The following PRKCH variants were observed in gnomAD, a reference collection of about 807,000 sequenced individuals.
The protein encoded by PRKCH is protein kinase C eta type.
PRKCH carries 28 observed loss-of-function variants against 82.5 expected under a neutral mutation model. The ratio of observed to expected loss-of-function variants is 0.34; its 90% confidence interval spans 0.25 to 0.47. The LOEUF (loss-of-function observed/expected upper bound fraction) is 0.47, where lower values mean the gene tolerates loss of function less well. Among genes scored for constraint, PRKCH ranks in the 20% least tolerant of loss-of-function variants. The pLI is 1.00. For missense variants in PRKCH, 705 were observed against 881.8 expected, an observed-to-expected ratio of 0.80 and a Z score of 2.54; for synonymous variants, 322 against 327.4, an observed-to-expected ratio of 0.98 and a Z score of 0.18.
At chr14:61,540,841 C>T (rs1045777553) in intron 12 of PRKCH, among the ~76,000 whole-genome samples, 17 of 152,202 alleles carry the variant, frequency 1.1e-4, no homozygotes, top group African/African-American at 4.1e-4. Flanking sequence ...GGATAGAGCA[C>T]CTCTCCTTCT....
chr14:61,381,261 T>A (rs1249935336), intron 1 of PRKCH, among the ~76,000 whole-genome samples: 1 of 152,112 alleles, frequency 6.6e-6, no homozygotes, highest in African/African-American at 2.4e-5. Flanking sequence ...TCACATAGGA[T>A]CCGGATTGAG....
chr14:61,236,710 CAAAAAAA>C (rs35185475), intron 1 of PRKCH, among the ~76,000 whole-genome samples: 27 of 87,672 alleles, frequency 3.1e-4, no homozygotes, highest in Admixed American at 7.6e-4. Context: ...TGTCTCAAAA[CAAAAAAA>C]AAAAAAAAAA....
chr14:61,478,375 C>T (rs76566760), intron 9 of PRKCH, among the ~76,000 whole-genome samples: 3,477 of 152,114 alleles, frequency 0.023, 59 homozygotes, highest in South Asian at 0.041. Context: ...CTTAGTCATA[C>T]CAGGGACTTG....
chr14:61,253,889 C>T (rs886971481), intron 1 of PRKCH, among the ~76,000 whole-genome samples: 5 of 151,898 alleles, frequency 3.3e-5, no homozygotes, highest in Non-Finnish European at 7.4e-5. Flanking sequence ...AGTAAATGTT[C>T]AATGAACACA....
chr14:61,328,515 T>A (rs1345037948), intron 1 of PRKCH, among the ~76,000 whole-genome samples: 1 of 152,130 alleles, frequency 6.6e-6, no homozygotes, highest in African/African-American at 2.4e-5. Flanking sequence ...ATGAGGTTGG[T>A]GGGTGGAACG....
At chr14:61,465,362 A>T (rs943018075) in intron 9 of PRKCH, among the ~76,000 whole-genome samples, 4 of 152,172 alleles carry the variant, frequency 2.6e-5, no homozygotes, top group African/African-American at 9.7e-5. Flanking sequence ...TTTAGGTCTT[A>T]CATTTAAGTC....
intron 1 of PRKCH, among the ~76,000 whole-genome samples, chr14:61,220,131 C>G (rs755897071): frequency 6.6e-6 from 1 of 152,210 alleles, no homozygotes; most frequent in Non-Finnish European, 1.5e-5. Flanking sequence ...TCCCTGCTTT[C>G]TCCCAAACCA....
At chr14:61,303,079 C>G (rs915839832) in intron 1 of PRKCH, 2 of 138,368 alleles carry the variant, frequency 1.4e-5, no homozygotes, top group African/African-American at 5.2e-5. Flanking sequence ...GTGGCATGAT[C>G]TGATCACAGC....
intron 1 of PRKCH, among the ~76,000 whole-genome samples, chr14:61,273,149 T>C (rs1224235734): frequency 6.6e-6 from 1 of 152,230 alleles, no homozygotes; most frequent in Non-Finnish European, 1.5e-5. Context: ...GGCCCTTCTG[T>C]GGCAGATCAG....
chr14:61,254,150 A>G (rs1218366982), intron 1 of PRKCH, among the ~76,000 whole-genome samples: 1 of 152,084 alleles, frequency 6.6e-6, no homozygotes, highest in Middle Eastern at 3.2e-3. Context: ...AGTCTCTCTC[A>G]TGTTTTATCA....
At chr14:61,353,163 A>G (rs2046104539) in intron 1 of PRKCH, among the ~76,000 whole-genome samples, 1 of 152,204 alleles carries the variant, frequency 6.6e-6, no homozygotes, top group Non-Finnish European at 1.5e-5. Flanking sequence ...GTGGACCTGT[A>G]TAGCCAAAGT....
intron 12 of PRKCH, 82 bp downstream of exon 12, chr14:61,530,677 C>T (rs962522619): frequency 2.3e-6 from 3 of 1,279,632 alleles, no homozygotes; most frequent in African/African-American, 1.5e-5. Flanking sequence ...TTCAGTACTT[C>T]CCACCAGTAA....
At chr14:61,240,664 T>C (rs544576567) in intron 1 of PRKCH, among the ~76,000 whole-genome samples, 1 of 152,162 alleles carries the variant, frequency 6.6e-6, no homozygotes, top group African/African-American at 2.4e-5. Flanking sequence ...CTTCACCCTT[T>C]CCAGCTGCCT....
At chr14:61,430,662 A>C (rs950083005) in intron 2 of PRKCH, among the ~76,000 whole-genome samples, 1 of 152,156 alleles carries the variant, frequency 6.6e-6, no homozygotes, top group Non-Finnish European at 1.5e-5. Flanking sequence ...GTGGTTGTTA[A>C]ACTGTCTCAC....
In PRKCH at chr14:61,411,504, TAAATG is replaced by T. The variant is rs775268607; in HGVS notation, c.427+20220_427+20224del. On this transcript the variant is annotated intron_variant, in intron 2 of 13. Transcript: ENST00000332981. ...TGTGAAAAACAAAATATGGACAAAA[TAAATG>T]AAACAATGATTTGTAAGACACTGGA... 1.9e-4 allele frequency among the ~76,000 whole-genome samples: 29 copies of T among 152,212 alleles called. 1 individual carries two copies. Among genetic ancestry groups the T allele is most frequent in the Admixed American group, 9.8e-4 (15 of 15,294 alleles).
Position 61,428,445 on chromosome 14 carries a change from G to T in PRKCH, c.428-14666G>T, listed in dbSNP as rs570954167. ...CATGGCTTTCACTAGTTTTTCAGGG[G>T]TTTTTTTTAATCCCCTTGGTTGAGA... On this transcript the variant is annotated intron_variant, in intron 2 of 13. Coordinates refer to ENST00000332981, the MANE Select transcript of PRKCH (RefSeq NM_006255.5). Among the ~76,000 whole-genome samples, 82 of 151,924 alleles carry T rather than the reference G, an allele frequency of 5.4e-4. 1 individual carries two copies. The highest frequency in any genetic ancestry group is 8.5e-4 in the African/African-American group (35 of 41,404).
intron 1 of PRKCH, among the ~76,000 whole-genome samples, chr14:61,249,051 C>T (rs2044915279): frequency 6.6e-6 from 1 of 152,132 alleles, no homozygotes; most frequent in Non-Finnish European, 1.5e-5. Flanking sequence ...ACTCGCCTGC[C>T]TCGGCCTCCC....
chr14:61,207,146 A>G (rs1419701976), intron 1 of PRKCH, among the ~76,000 whole-genome samples: 1 of 129,960 alleles, frequency 7.7e-6, no homozygotes, highest in Non-Finnish European at 1.6e-5. Flanking sequence ...ATGTACTGAC[A>G]TCCCCTAAGG....
intron 1 of PRKCH, among the ~76,000 whole-genome samples, chr14:61,300,293 GA>G (rs936148708): frequency 6.6e-6 from 1 of 152,098 alleles, no homozygotes; most frequent in African/African-American, 2.4e-5. Context: ...AAATTCAAAG[GA>G]AAAAATGTTT....
Sources: allele counts gnomAD v4.1 joint callset (sites outside exome capture counted in the v4.1 genomes callset), GRCh38; gene constraint gnomAD v4.1.1; transcripts MANE v1.5; gene names NCBI Gene and HGNC (gene_info 2026-07-23, HGNC 2026-07-21).